The following ERICH6 variants were observed in gnomAD, a reference collection of about 807,000 sequenced individuals.
The protein encoded by ERICH6 is glutamate-rich protein 6.
A neutral mutation model predicts 71.0 loss-of-function variants in ERICH6; 71 were observed. That is an observed-to-expected ratio of 1.00 (90% confidence interval 0.83 to 1.22). The LOEUF is 1.22. Among genes scored for constraint, ERICH6 ranks in the 50% most tolerant of loss-of-function variants. The pLI is 0.00. For missense variants in ERICH6, 808 were observed against 797.2 expected (o/e 1.01, Z -0.16); for synonymous variants, 262 against 278.4 (o/e 0.94, Z 0.59).
intron 10 of ERICH6, among the ~76,000 whole-genome samples, chr3:150,676,214 C>T (rs1251681542): frequency 2.0e-5 from 3 of 151,946 alleles, no homozygotes; most frequent in Admixed American, 2.0e-4. Context: ...TGGAGTCTAA[C>T]CTGCTCTCAG....
intron 13 of ERICH6, among the ~76,000 whole-genome samples, chr3:150,661,359 G>A (rs1291931089): frequency 2.6e-5 from 4 of 152,122 alleles, no homozygotes; most frequent in Admixed American, 6.5e-5. Flanking sequence ...GGCTGGCAGC[G>A]GGCACTAGCG....
At chr3:150,699,408 G>A (rs577253834) in intron 2 of ERICH6, among the ~76,000 whole-genome samples, 22 of 152,140 alleles carry the variant, frequency 1.4e-4, no homozygotes, top group Non-Finnish European at 2.4e-4. Context: ...ACTCCTCCCT[G>A]CCTAGACACT....
In ERICH6 at chr3:150,680,808, G is replaced by A. The variant is rs759675168; in HGVS notation, c.1005C>T (p.Val335=). ...CTTTTTCTTTTGCCTTGAGTCTGTC[G>A]ACCTCACTACCATGGGCTGCATGAG... is the stretch of plus-strand genomic sequence containing the variant. ...IDPHAAHGSE[V]DRLKAKEKAL... Residue 335 remains valine (V), a synonymous_variant, in exon 8 of 14, where the codon GTC becomes GTT. Transcript: ENST00000295910. 1.4e-5 allele frequency: 23 copies of A among 1,611,780 alleles called. No individual in the cohort carries two copies. In the East Asian group the frequency reaches 3.8e-4, roughly 27 times the overall value.
At chr3:150,700,644 T>C (rs1712836450) in intron 2 of ERICH6, among the ~76,000 whole-genome samples, 1 of 151,944 alleles carries the variant, frequency 6.6e-6, no homozygotes, top group South Asian at 2.1e-4. Flanking sequence ...AGTGCAGTGG[T>C]ATGATCTCGG....
At chr3:150,674,092 G>T in intron 10 of ERICH6, 51 bp from the exon 11 acceptor site, 1 of 1,485,392 alleles carries the variant, frequency 6.7e-7, no homozygotes, top group Non-Finnish European at 9.3e-7. Flanking sequence ...ACATAAAGTA[G>T]TAAGTACGAC....
chr3:150,681,404 T>A (rs1422892407), intron 7 of ERICH6, among the ~76,000 whole-genome samples: 1 of 152,246 alleles, frequency 6.6e-6, no homozygotes, highest in African/African-American at 2.4e-5. Flanking sequence ...TGAATAATAG[T>A]TCGTGGTATG....
At chr3:150,665,842 A>G (rs1282212004) in intron 13 of ERICH6, among the ~76,000 whole-genome samples, 1 of 152,012 alleles carries the variant, frequency 6.6e-6, no homozygotes, top group Non-Finnish European at 1.5e-5. Context: ...AAAAAAAAAA[A>G]AAAAAATCAA....
In ERICH6 at chr3:150,698,986, ATT is replaced by A. The variant is rs966735262; in HGVS notation, c.462-106_462-105del. The A allele has an allele frequency of 1.9e-5, 14 of 718,184 alleles. No individual in the cohort carries two copies. The Admixed American group carries it at 3.4e-4, about 18-fold the overall frequency. The allele number at this position is 718,184 out of a possible 1,614,324, so 44.5% of individuals were successfully genotyped here. On this transcript the variant is annotated intron_variant, in intron 2 of 13. Coordinates refer to ENST00000295910, the MANE Select transcript of ERICH6 (RefSeq NM_152394.5). ...CAATTAATTAATGCACGTAGAAAAT[ATT>A]TTGTTTTCTTTGAAATATTTTCTTC...
chr3:150,681,436 C>CTATT (rs1559915428), intron 7 of ERICH6, among the ~76,000 whole-genome samples: 16 of 152,176 alleles, frequency 1.1e-4, no homozygotes, highest in African/African-American at 3.6e-4. Flanking sequence ...TTTTATTCAT[C>CTATT]CATTCATCCA....
intron 11 of ERICH6, 118 bp from the exon 12 acceptor site, chr3:150,669,569 A>G (rs914378691): frequency 7.5e-6 from 8 of 1,070,210 alleles, no homozygotes; most frequent in East Asian, 2.6e-5. Flanking sequence ...GGGAGGTACT[A>G]TATTAATACA....
chr3:150,660,496 C>CTGAA (rs1727180051), intron 13 of ERICH6, among the ~76,000 whole-genome samples: 1 of 152,106 alleles, frequency 6.6e-6, no homozygotes, highest in African/African-American at 2.4e-5. Flanking sequence ...GAGTGCTGGT[C>CTGAA]TGAAGGCTGG....
At chr3:150,681,432 T>C (rs994028437) in intron 7 of ERICH6, among the ~76,000 whole-genome samples, 2 of 152,272 alleles carry the variant, frequency 1.3e-5, no homozygotes, top group Admixed American at 6.5e-5. Context: ...CACATTTTAT[T>C]CATCCATTCA....
intron 3 of ERICH6, among the ~76,000 whole-genome samples, chr3:150,696,297 C>T (rs1435808028): frequency 6.6e-6 from 1 of 151,774 alleles, no homozygotes; most frequent in Non-Finnish European, 1.5e-5. Flanking sequence ...AAAATAAAGT[C>T]CATATTGATT....
At chr3:150,678,281 G>C (rs1197797327) in intron 10 of ERICH6, 128 bp downstream of exon 10, 4 of 866,820 alleles carry the variant, frequency 4.6e-6, no homozygotes, top group South Asian at 4.4e-5. Flanking sequence ...AAAAGACCAA[G>C]TCTGTACCAA....
chr3:150,666,000 C>G (rs1457998184), intron 13 of ERICH6, among the ~76,000 whole-genome samples: 1 of 152,168 alleles, frequency 6.6e-6, no homozygotes, highest in Admixed American at 6.5e-5. Context: ...ACCCTTAGTA[C>G]TTTGCATTCT....
At position 150,668,713 on chromosome 3, in the gene ERICH6, A is replaced by T. The variant is rs145754936; in HGVS notation, c.1499+583T>A. 4.4e-3 allele frequency among the ~76,000 whole-genome samples: 667 copies of T among 152,342 alleles called. 3 individuals carry two copies. The highest frequency in any genetic ancestry group is 7.9e-3 in the Non-Finnish European group (539 of 68,026). ...GAAAAGTTCAAAAAGTTTAAATTGT[A>T]TTGGAAGTTAGAACCCAAATTTCAC... On this transcript the variant is annotated intron_variant, in intron 12 of 13. Coordinates refer to ENST00000295910, the MANE Select transcript of ERICH6 (RefSeq NM_152394.5).
chr3:150,671,735 C>T (rs941895905), intron 11 of ERICH6, among the ~76,000 whole-genome samples: 5 of 152,180 alleles, frequency 3.3e-5, no homozygotes, highest in Admixed American at 6.5e-5. Flanking sequence ...CAGAAAAATC[C>T]TCCCACCTCA....
chr3:150,676,243 T>G (rs1711648385), intron 10 of ERICH6, among the ~76,000 whole-genome samples: 1 of 152,138 alleles, frequency 6.6e-6, no homozygotes, highest in Admixed American at 6.5e-5. Flanking sequence ...TTTTAAGTTT[T>G]TAATTTTGAT....
In ERICH6 at chr3:150,678,520, A is replaced by T; in HGVS notation, c.1146T>A (p.Leu382=). 1.2e-6 allele frequency: 2 copies of T among 1,602,030 alleles called. No homozygotes were observed. The highest frequency in any genetic ancestry group is 1.7e-6 in the Non-Finnish European group (2 of 1,177,060). The change falls in exon 10 of 14, where the codon CTT becomes CTA. Residue 382 remains leucine (L), a synonymous_variant. Coordinates refer to ENST00000295910, the MANE Select transcript of ERICH6 (RefSeq NM_152394.5). ...SKRLKTISYQ[L]SVDIPEKQII... ...TCTGTTTTTCTGGAATATCCACAGA[A>T]AGTTGATAAGAAATTGTTTTTAAGC...
Sources: gnomAD v4.1 joint callset for allele counts (sites outside exome capture counted in the v4.1 genomes callset) on GRCh38, gnomAD v4.1.1 for gene constraint, MANE v1.5 for transcripts, NCBI Gene and HGNC (gene_info 2026-07-23, HGNC 2026-07-21) for gene names.